XIAP: variants seen among roughly 807,000 people sequenced by gnomAD.
XIAP encodes X-linked inhibitor of apoptosis.
XIAP carries 3 observed loss-of-function variants against 33.1 expected under a neutral mutation model. That is an observed-to-expected ratio of 0.09 (90% CI 0.04 to 0.23). The LOEUF (loss-of-function observed/expected upper bound fraction) is 0.23. XIAP is among the 10% of genes least tolerant of loss of function. The pLI is 1.00. For missense variants in XIAP, 264 were observed against 363.0 expected (o/e 0.73, Z 2.22); for synonymous variants, 98 against 121.3 (o/e 0.81, Z 1.26).
intron 1 of XIAP, among the ~76,000 whole-genome samples, chrX:123,861,514 CAGAT>C (rs1334541689): frequency 1.8e-5 from 2 of 110,788 alleles, no homozygotes; most frequent in Non-Finnish European, 3.8e-5. Context: ...TGCATTTGCT[CAGAT>C]AGTTTCTTGA....
intron 3 of XIAP, among the ~76,000 whole-genome samples, chrX:123,890,308 G>A (rs1485460806): frequency 2.7e-4 from 28 of 105,295 alleles, no homozygotes; most frequent in African/African-American, 8.6e-4. Flanking sequence ...GAGCCACCGC[G>A]CCCGGCCCAG....
At position 123,912,577 on chromosome X, in the gene XIAP, T is replaced by C. The variant is rs1213608270; in HGVS notation, c.*5396T>C. The C allele has an allele frequency of 2.1e-5, 7 of 325,740 alleles. No individual in the cohort carries two copies. In the East Asian group the frequency reaches 5.9e-4, roughly 27 times the overall value. The allele number at this position is 325,740 out of a possible 1,213,427, so 26.8% of individuals were successfully genotyped here. A position where few individuals can be genotyped will look rare whatever the true frequency, so the allele number is the denominator to read the frequency against. ...TTGAGTCTGGGAGGCAGAGGCTGCA[T>C]TGAGCTATGATCATGGCACTGCATT... On this transcript the variant is annotated 3_prime_UTR_variant, in exon 7 of 7. Coordinates refer to ENST00000371199, the MANE Select transcript of XIAP (RefSeq NM_001167.4).
intron 1 of XIAP, among the ~76,000 whole-genome samples, chrX:123,868,913 C>G (rs957599831): frequency 9.0e-6 from 1 of 111,560 alleles, no homozygotes; most frequent in Non-Finnish European, 1.9e-5. Context: ...CTGTTTGATA[C>G]ATTTTGGGAT....
rs1273737551 is a variant in XIAP at position 123,860,133 on chromosome X, G to A, written c.-193G>A. ...TGGGCCGGCCGGTAGAGGCGCGTGA[G>A]GGAGACGAAGGGACTTCCGTTTCCT... On this transcript the variant is annotated 5_prime_UTR_variant, in exon 1 of 7. Coordinates refer to ENST00000371199, the MANE Select transcript of XIAP (RefSeq NM_001167.4). 1 of 329,609 alleles carries A rather than the reference G, an allele frequency of 3.0e-6. No individual in the cohort carries two copies. The highest frequency in any genetic ancestry group is 5.9e-6 in the Non-Finnish European group (1 of 169,945). The allele number at this position is 329,609 out of a possible 1,213,427, so 27.2% of individuals were successfully genotyped here.
At chrX:123,889,452 C>T (rs1220290026) in intron 3 of XIAP, among the ~76,000 whole-genome samples, 3 of 109,907 alleles carry the variant, frequency 2.7e-5, no homozygotes, top group African/African-American at 6.6e-5. Context: ...GTGATCGGCC[C>T]GCCTCGGCCT....
intron 3 of XIAP, among the ~76,000 whole-genome samples, chrX:123,890,174 G>T (rs1382867749): frequency 9.9e-6 from 1 of 101,269 alleles, no homozygotes; most frequent in South Asian, 4.8e-4. Flanking sequence ...CCGCTACCAC[G>T]CCCGGCTAAT....
At chrX:123,862,733 T>C (rs1002732382) in intron 1 of XIAP, among the ~76,000 whole-genome samples, 7 of 108,075 alleles carry the variant, frequency 6.5e-5, no homozygotes, top group African/African-American at 1.4e-4. Flanking sequence ...CGTGCACCTG[T>C]AGTACCAGCT....
At chrX:123,884,944 C>CAAAAAAAAAAAAAAAAAAAAAAAAAAAA (rs5903649) in intron 1 of XIAP, among the ~76,000 whole-genome samples, 2 of 92,113 alleles carry the variant, frequency 2.2e-5, no homozygotes, top group African/African-American at 4.1e-5. Flanking sequence ...ATGTCATGGG[C>CAAAAAAAAAAAAAAAAAAAAAAAAAAAA]AAAAAAAAAA....
Position 123,908,524 on chromosome X carries a change from T to C in XIAP, c.*1343T>C, listed in dbSNP as rs182300415. On this transcript the variant is annotated 3_prime_UTR_variant, in exon 7 of 7. Transcript: ENST00000371199. Reference sequence around the variant, plus strand: ...TAGTTATAGTGACAGCTTTCCATGTTGAGATTCTCATATCATCTTGTATCT... The same window carrying C: ...TAGTTATAGTGACAGCTTTCCATGTCGAGATTCTCATATCATCTTGTATCT... The C allele has an allele frequency of 5.5e-6, 2 of 364,511 alleles. No homozygotes were observed. Among genetic ancestry groups the C allele is most frequent in the Non-Finnish European group, 1.0e-5 (2 of 192,821 alleles). 30.0% of individuals were successfully genotyped at this position (364,511 alleles called of 1,213,427 possible).
In XIAP at chrX:123,912,122, T is replaced by C. The variant is rs1161359957; in HGVS notation, c.*4941T>C. 4 of 324,257 alleles carry C rather than the reference T, an allele frequency of 1.2e-5. No individual in the cohort carries two copies. In the East Asian group the frequency reaches 2.9e-4, roughly 24 times the overall value. The allele number at this position is 324,257 out of a possible 1,213,427, so 26.7% of individuals were successfully genotyped here. On this transcript the variant is annotated 3_prime_UTR_variant, in exon 7 of 7. Transcript: ENST00000371199. ...ATTAAATGACACTTTATAACTAATA[T>C]AATAGGACAATCATCAATGCATATA...
upstream of XIAP, chrX:123,859,714 C>G (rs1379521538): frequency 5.9e-6 from 1 of 169,761 alleles, no homozygotes; most frequent in Non-Finnish European, 1.1e-5. Context: ...CTACGAGGTG[C>G]TCACTGCGCA....
chrX:123,892,235 C>T (rs1312449299), intron 4 of XIAP, among the ~76,000 whole-genome samples: 2 of 110,283 alleles, frequency 1.8e-5, no homozygotes, highest in African/African-American at 6.6e-5. Context: ...GGCGTAATGG[C>T]GGGCGCCTGT....
At chrX:123,862,243 A>G (rs1295073678) in intron 1 of XIAP, among the ~76,000 whole-genome samples, 1 of 107,695 alleles carries the variant, frequency 9.3e-6, no homozygotes, top group South Asian at 4.1e-4. Context: ...TAATTTTTGT[A>G]TTTTTAGTAG....
In XIAP at chrX:123,911,625, C is replaced by T; in HGVS notation, c.*4444C>T. 1 of 323,081 alleles carries T rather than the reference C, an allele frequency of 3.1e-6. No homozygotes were observed. The highest frequency in any genetic ancestry group is 6.0e-6 in the Non-Finnish European group (1 of 167,480). 26.6% of individuals were successfully genotyped at this position (323,081 alleles called of 1,213,427 possible). ...CCCATGAATTTGAGGCAGCAGTGAG[C>T]TATGATTGTGCCACTGTACTCCAGT... On this transcript the variant is annotated 3_prime_UTR_variant, in exon 7 of 7. Transcript: ENST00000371199.
At chrX:123,899,594 A>G (rs1229652405) in intron 5 of XIAP, among the ~76,000 whole-genome samples, 1 of 109,105 alleles carries the variant, frequency 9.2e-6, no homozygotes, top group Admixed American at 1.0e-4. Flanking sequence ...ATTACCATAG[A>G]TTAGTTTTGA....
chrX:123,891,865 T>C (rs1190757306), intron 4 of XIAP, among the ~76,000 whole-genome samples: 1 of 108,896 alleles, frequency 9.2e-6, no homozygotes, highest in Non-Finnish European at 1.9e-5. Flanking sequence ...AAAAAGTGTT[T>C]CTTATTCTTT....
intron 1 of XIAP, among the ~76,000 whole-genome samples, chrX:123,871,697 AT>A (rs1569476366): frequency 9.2e-6 from 1 of 108,418 alleles, no homozygotes. Context: ...GGGTCTACCT[AT>A]GTTTCCCAAG....
rs985728959 is a variant in XIAP, at chrX:123,913,232, G to A, written c.*6051G>A. On this transcript the variant is annotated 3_prime_UTR_variant, in exon 7 of 7. Coordinates refer to ENST00000371199, the MANE Select transcript of XIAP (RefSeq NM_001167.4). ...CACGCCTGTAATCCCAGCAGTTTCC[G>A]AGGCTGAGGCAGGCGGCTCACCTGA... 2 of 327,034 alleles carry A rather than the reference G, an allele frequency of 6.1e-6. No homozygotes were observed. The highest frequency in any genetic ancestry group is 1.2e-5 in the Non-Finnish European group (2 of 169,551). The allele number at this position is 327,034 out of a possible 1,213,427, so 27.0% of individuals were successfully genotyped here.
At chrX:123,906,887 G>C (rs939136135) in intron 6 of XIAP, 101 bp from the exon 7 acceptor site, 15 of 1,002,876 alleles carry the variant, frequency 1.5e-5, no homozygotes, top group African/African-American at 1.9e-5. Flanking sequence ...CCCGGCACTT[G>C]TTGGGTGCTT....
Sources: allele counts gnomAD v4.1 joint callset (sites outside exome capture counted in the v4.1 genomes callset), GRCh38; gene constraint gnomAD v4.1.1; transcripts MANE v1.5; gene names NCBI Gene and HGNC (gene_info 2026-07-23, HGNC 2026-07-21).